MLIP: variants seen among roughly 807,000 people sequenced by gnomAD.
The protein encoded by MLIP is muscular LMNA-interacting protein.
Under a neutral mutation model 84.8 loss-of-function variants are expected in MLIP, and 79 were observed. The observed-to-expected ratio is 0.93, with a 90% CI of 0.78 to 1.12. The LOEUF is 1.12. Among genes scored for constraint, MLIP ranks in the 50% most tolerant of loss-of-function variants. The pLI, the probability that MLIP is intolerant of heterozygous loss-of-function variation, is 0.00. For missense variants in MLIP, 1,257 were observed against 1,160.6 expected (o/e 1.08, Z -1.21); for synonymous variants, 504 against 463.0 (o/e 1.09, Z -1.14).
intron 1 of MLIP, among the ~76,000 whole-genome samples, chr6:54,023,639 G>A (rs904271387): frequency 2.6e-5 from 4 of 151,878 alleles, no homozygotes; most frequent in African/African-American, 7.3e-5. Context: ...GTGCGATCTC[G>A]GCTCACTGCA....
At chr6:54,025,346 C>A (rs1366282499) in intron 1 of MLIP, among the ~76,000 whole-genome samples, 1 of 152,044 alleles carries the variant, frequency 6.6e-6, no homozygotes, top group Non-Finnish European at 1.5e-5. Context: ...TGCTTCTGAT[C>A]TATATGTTAT....
At chr6:54,102,024 T>C (rs1354370962) in intron 1 of MLIP, among the ~76,000 whole-genome samples, 3 of 152,114 alleles carry the variant, frequency 2.0e-5, no homozygotes, top group African/African-American at 7.2e-5. Flanking sequence ...TGCGTTGTTA[T>C]ATACTCTGTA....
chr6:54,229,512 C>T (rs1255430457), intron 11 of MLIP, among the ~76,000 whole-genome samples: 1 of 152,164 alleles, frequency 6.6e-6, no homozygotes, highest in Non-Finnish European at 1.5e-5. Context: ...TCCTGATGCT[C>T]TCCCTCTTCC....
At chr6:54,107,101 C>T (rs1164522810), upstream of MLIP, among the ~76,000 whole-genome samples, 1 of 152,146 alleles carries the variant, frequency 6.6e-6, no homozygotes, top group Non-Finnish European at 1.5e-5. Context: ...GTCTCTGTGC[C>T]TCTTTCAAAT....
intron 1 of MLIP, among the ~76,000 whole-genome samples, chr6:54,094,697 G>C (rs1768092811): frequency 1.3e-5 from 2 of 151,468 alleles, no homozygotes; most frequent in Non-Finnish European, 1.5e-5. Context: ...AGAATTTGCT[G>C]TCTATGGCCT....
intron 9 of MLIP, among the ~76,000 whole-genome samples, chr6:54,175,803 G>A (rs553727722): frequency 8.6e-5 from 13 of 151,890 alleles, no homozygotes; most frequent in African/African-American, 2.4e-4. Flanking sequence ...CATCCTTGTC[G>A]TCTTCCAGAT....
At chr6:54,176,559 A>C (rs1776306612) in intron 9 of MLIP, among the ~76,000 whole-genome samples, 1 of 151,810 alleles carries the variant, frequency 6.6e-6, no homozygotes, top group Non-Finnish European at 1.5e-5. Flanking sequence ...TAATCCTTTA[A>C]ATTTCTTTGG....
intron 11 of MLIP, chr6:54,203,636 A>AGCTCAATGGCGCCATCTCG (rs1778843599): frequency 6.7e-6 from 1 of 149,616 alleles, no homozygotes; most frequent in Non-Finnish European, 1.5e-5. Context: ...TCTAGGCTGG[A>AGCTCAATGGCGCCATCTCG]GCTCAATGGC....
At chr6:54,043,842 G>A (rs1450572625) in intron 1 of MLIP, among the ~76,000 whole-genome samples, 1 of 152,146 alleles carries the variant, frequency 6.6e-6, no homozygotes, top group Non-Finnish European at 1.5e-5. Flanking sequence ...CAGAAAATAT[G>A]TGTCATGGTG....
intron 12 of MLIP, among the ~76,000 whole-genome samples, chr6:54,253,691 A>T (rs1229297930): frequency 6.6e-6 from 1 of 152,118 alleles, no homozygotes; most frequent in East Asian, 1.9e-4. Flanking sequence ...TGGAAGAGGC[A>T]GTGATATTTT....
At chr6:54,093,339 T>TATTCTATTCC (rs1307604423) in intron 1 of MLIP, among the ~76,000 whole-genome samples, 1 of 128,422 alleles carries the variant, frequency 7.8e-6, no homozygotes, top group Non-Finnish European at 1.7e-5. Context: ...AATTCTATTC[T>TATTCTATTCC]ATTCTATTCT....
intron 10 of MLIP, among the ~76,000 whole-genome samples, chr6:54,196,078 G>A (rs1198818454): frequency 6.6e-6 from 1 of 151,928 alleles, no homozygotes; most frequent in Non-Finnish European, 1.5e-5. Flanking sequence ...ATGCCATATG[G>A]CTCTTCTATC....
intron 1 of MLIP, among the ~76,000 whole-genome samples, chr6:54,070,645 C>A (rs1295853474): frequency 1.3e-5 from 2 of 152,114 alleles, no homozygotes; most frequent in African/African-American, 4.8e-5. Context: ...TATAAGTTAA[C>A]TCATTATATA....
chr6:54,230,789 C>T lies in MLIP; in HGVS notation c.2794C>T (p.Leu932=). 1 of 1,614,138 alleles carries T rather than the reference C, an allele frequency of 6.2e-7. No individual in the cohort carries two copies. Among genetic ancestry groups the T allele is most frequent in the South Asian group, 1.1e-5 (1 of 91,086 alleles). The part of the protein sequence containing the change: ...QTKLYPPAKS[L]LHPQTLSHAD... ...TAAACTCTATCCTCCTGCTAAGTCACTGCTGCATCCACAGACCCTCTCACA... is the reference window on the plus strand; with the variant it reads ...TAAACTCTATCCTCCTGCTAAGTCATTGCTGCATCCACAGACCCTCTCACA... The change falls in exon 12 of 14, where the codon CTG becomes TTG. Residue 932 remains leucine, a synonymous_variant. Transcript: ENST00000502396.
At chr6:54,046,577 C>T (rs1765066732) in intron 1 of MLIP, 1 of 152,108 alleles carries the variant, frequency 6.6e-6, no homozygotes, top group South Asian at 2.1e-4. Flanking sequence ...CAACTGTTCC[C>T]TACATCATTT....
intron 1 of MLIP, among the ~76,000 whole-genome samples, chr6:54,028,426 C>T (rs1178821209): frequency 1.3e-5 from 2 of 152,160 alleles, no homozygotes; most frequent in African/African-American, 4.8e-5. Context: ...GATTGCTTTC[C>T]TGAACCTGTT....
intron 1 of MLIP, among the ~76,000 whole-genome samples, chr6:54,055,846 T>C (rs1765631444): frequency 6.6e-6 from 1 of 152,146 alleles, no homozygotes; most frequent in African/African-American, 2.4e-5. Flanking sequence ...GAGGAGTGCC[T>C]GCTAAACTCC....
rs73436375 is a variant in MLIP at position 54,151,931 on chromosome 6, T to C, written c.2289+2804T>C. ...AATCAACCCTGGATGAAGCCCATCATTTTTAAAAGAGTACACTTTGTTGGC... is the reference window on the plus strand; with the variant it reads ...AATCAACCCTGGATGAAGCCCATCACTTTTAAAAGAGTACACTTTGTTGGC... On this transcript the variant is annotated intron_variant, in intron 5 of 13. Transcript: ENST00000502396. Among the ~76,000 whole-genome samples, 629 of 152,280 alleles carry C rather than the reference T, an allele frequency of 4.1e-3. 5 individuals carry two copies. Among genetic ancestry groups the C allele is most frequent in the African/African-American group, 0.014 (597 of 41,564 alleles).
intron 8 of MLIP, among the ~76,000 whole-genome samples, chr6:54,167,323 C>T (rs142695172): frequency 0.013 from 334 of 25,350 alleles, 1 homozygote; most frequent in African/African-American, 0.05. Flanking sequence ...CCAACTCTCT[C>T]CTTTACTCAC....
Sources: allele counts gnomAD v4.1 joint callset (sites outside exome capture counted in the v4.1 genomes callset), GRCh38; gene constraint gnomAD v4.1.1; transcripts MANE v1.5; gene names NCBI Gene and HGNC (gene_info 2026-07-23, HGNC 2026-07-21).